The following ABI3BP variants were observed in gnomAD, a reference collection of about 807,000 sequenced individuals.
ABI3BP encodes the protein ABI family member 3 binding protein, also known as target of Nesh-SH3.
In ABI3BP, 216 loss-of-function variants were observed where a neutral mutation model predicts 268.6. The observed-to-expected ratio is 0.80, with a 90% CI of 0.72 to 0.90. ABI3BP has a LOEUF of 0.90. Ranked by LOEUF, ABI3BP falls within the 40% of genes least tolerant of loss-of-function variation. The pLI is 0.00. For synonymous variants in ABI3BP, 730 were observed against 730.0 expected (o/e 1.00, Z 0.00); for missense variants, 2,090 against 2,182.4 (o/e 0.96, Z 0.84).
intron 2 of ABI3BP, 50 bp from the exon 3 acceptor site, chr3:100,902,736 T>C: frequency 6.7e-7 from 1 of 1,503,014 alleles, no homozygotes; most frequent in Non-Finnish European, 9.2e-7. Flanking sequence ...GAACCAGCAT[T>C]GGAGGCAGCA....
rs1225225619 is a variant in ABI3BP at position 100,753,815 on chromosome 3, T to G, written c.4960+4A>C. On this transcript the variant is annotated splice_donor_region_variant and intron_variant, in intron 65 of 67. Transcript: ENST00000471714. ...AGTTGTGCCTCATTGAGACAGGTAC[T>G]TACCAGAAACTGGCTCACTCACTCT... 3.7e-6 allele frequency: 6 copies of G among 1,611,088 alleles called. No individual in the cohort carries two copies. The highest frequency in any genetic ancestry group is 4.2e-6 in the Non-Finnish European group (5 of 1,178,892).
At chr3:100,934,133 AC>A (rs1352202005) in intron 1 of ABI3BP, among the ~76,000 whole-genome samples, 1 of 150,008 alleles carries the variant, frequency 6.7e-6, no homozygotes, top group Non-Finnish European at 1.5e-5. Flanking sequence ...CCCTCCCCTA[AC>A]CCCCCACCCC....
chr3:100,791,964 TG>T (rs1418002860), intron 55 of ABI3BP, among the ~76,000 whole-genome samples: 1 of 151,892 alleles, frequency 6.6e-6, no homozygotes, highest in Non-Finnish European at 1.5e-5. Context: ...AAATGTTTGC[TG>T]GTTTTGGTCT....
In ABI3BP at chr3:100,780,346, C is replaced by T. The variant is rs2150285776; in HGVS notation, c.4163-137G>A. 3 of 694,658 alleles carry T rather than the reference C, an allele frequency of 4.3e-6. No homozygotes were observed. In the South Asian group the frequency reaches 5.4e-5, roughly 12 times the overall value. 43.0% of individuals were successfully genotyped at this position (694,658 alleles called of 1,614,324 possible). ...TTTTTATGCCAAGACATTTTACGGG[C>T]TTCTACTATCTGGCTATAGAAAAAA... On this transcript the variant is annotated intron_variant, in intron 57 of 67. Coordinates refer to ENST00000471714, the MANE Select transcript of ABI3BP (RefSeq NM_001375547.2).
chr3:100,902,660 C>T lies in ABI3BP; in HGVS notation c.286G>A (p.Val96Met). Residue 96 changes from valine to methionine, a missense_variant, in exon 3 of 68, where the codon GTG becomes ATG. Physicochemically the swap from Val to Met is conservative, Grantham distance 21. Transcript: ENST00000471714. ...VDAEPKYLIV[V>M]RPAPPPSQKK... is the part of the protein sequence containing the mutation. ...TGACTTGGAGGTGGAGCAGGTCGCACAACTATCAGATATTTCGGCTCTGCA... is the reference window on the plus strand; with the variant it reads ...TGACTTGGAGGTGGAGCAGGTCGCATAACTATCAGATATTTCGGCTCTGCA... 1.2e-6 allele frequency: 2 copies of T among 1,613,904 alleles called. No individual in the cohort carries two copies. Among genetic ancestry groups the T allele is most frequent in the South Asian group, 2.2e-5 (2 of 91,068 alleles).
At chr3:100,875,022 T>C (rs2099146590) in intron 8 of ABI3BP, 89 bp from the exon 9 acceptor site, 5 of 692,466 alleles carry the variant, frequency 7.2e-6, no homozygotes, top group Admixed American at 3.0e-5. Context: ...TTACAAACTA[T>C]GAAGCATAGC....
chr3:100,791,485 C>T (rs1477157347), intron 55 of ABI3BP, among the ~76,000 whole-genome samples: 1 of 151,852 alleles, frequency 6.6e-6, no homozygotes, highest in Non-Finnish European at 1.5e-5. Flanking sequence ...CAGCTATCTT[C>T]TCTTAAGCCA....
At chr3:100,841,081 A>G (rs1401484802) in intron 21 of ABI3BP, among the ~76,000 whole-genome samples, 1 of 152,122 alleles carries the variant, frequency 6.6e-6, no homozygotes, top group Non-Finnish European at 1.5e-5. Context: ...TTGGAAAGAG[A>G]AATGGAACAA....
intron 9 of ABI3BP, among the ~76,000 whole-genome samples, chr3:100,874,598 T>C (rs1354616269): frequency 1.3e-5 from 2 of 152,158 alleles, no homozygotes; most frequent in East Asian, 1.9e-4. Context: ...AAGATTTTCA[T>C]AAACATTCAC....
chr3:100,852,506 TAGG>T (rs2098861128), intron 14 of ABI3BP, among the ~76,000 whole-genome samples: 2 of 152,160 alleles, frequency 1.3e-5, no homozygotes, highest in South Asian at 4.1e-4. Flanking sequence ...TTGTAGACAA[TAGG>T]AGGTTATCTC....
At chr3:100,904,632 GA>G (rs983782888) in intron 2 of ABI3BP, among the ~76,000 whole-genome samples, 1 of 152,150 alleles carries the variant, frequency 6.6e-6, no homozygotes, top group African/African-American at 2.4e-5. Flanking sequence ...TTTAGATGCA[GA>G]AAAAAGGCAA....
Position 100,926,351 on chromosome 3 carries a change from G to C in ABI3BP, c.210C>G (p.Asn70Lys). Reference sequence around the variant, plus strand: ...CTTCAGCGGGAAGAGGGAAGTACTGGTTTGGTGATACATTGCTGCCATATC... The same window carrying C: ...CTTCAGCGGGAAGAGGGAAGTACTGCTTTGGTGATACATTGCTGCCATATC... Reference protein sequence around the residue: ...LLGYGSNVSPNQYFPLPAEGK... With the variant: ...LLGYGSNVSPKQYFPLPAEGK... The change falls in exon 2 of 68, where the codon AAC becomes AAG. Residue 70 changes from asparagine (N) to lysine (K), a missense_variant. Asn to Lys is a moderately conservative substitution (Grantham distance 94). Coordinates refer to ENST00000471714, the MANE Select transcript of ABI3BP (RefSeq NM_001375547.2). 2 of 1,613,514 alleles carry C rather than the reference G, an allele frequency of 1.2e-6. No homozygotes were observed. The highest frequency in any genetic ancestry group is 2.2e-5 in the South Asian group (2 of 91,060).
rs547988924 is a variant in ABI3BP at position 100,846,559 on chromosome 3, A to G, written c.1649-113T>C. On this transcript the variant is annotated intron_variant, in intron 19 of 67. Transcript: ENST00000471714. The stretch of plus-strand genomic sequence containing the variant: ...ACTATACATTAAATGGAATGAACTC[A>G]TCGTCTTGGAAGATTTTGGAAATAT... 2.1e-5 allele frequency: 14 copies of G among 670,072 alleles called. No individual in the cohort carries two copies. In the South Asian group the frequency reaches 3.6e-4, roughly 17 times the overall value. 41.5% of individuals were successfully genotyped at this position (670,072 alleles called of 1,614,324 possible).
Position 100,780,219 on chromosome 3 carries a change from G to A in ABI3BP, c.4163-10C>T, listed in dbSNP as rs1299776485. On this transcript the variant is annotated splice_polypyrimidine_tract_variant and intron_variant, in intron 57 of 67. Transcript: ENST00000471714. ...GGTGCTTGCTTGACCCCTATGAGCA[G>A]AGATAATGAAAGGGAATAAACATAT... The A allele has an allele frequency of 1.9e-6, 3 of 1,610,608 alleles. No individual in the cohort carries two copies. Among genetic ancestry groups the A allele is most frequent in the South Asian group, 1.1e-5 (1 of 90,450 alleles).
intron 21 of ABI3BP, 77 bp downstream of exon 21, chr3:100,841,921 A>ACCCAAAG: frequency 8.0e-7 from 1 of 1,255,940 alleles, no homozygotes; most frequent in Non-Finnish European, 1.1e-6. Flanking sequence ...AAAAAACAAA[A>ACCCAAAG]CCCAAAGCTG....
intron 1 of ABI3BP, among the ~76,000 whole-genome samples, chr3:100,935,974 T>C (rs1183477624): frequency 6.6e-6 from 1 of 152,184 alleles, no homozygotes; most frequent in Non-Finnish European, 1.5e-5. Context: ...TTTATTTCTT[T>C]CTCTTGCCTG....
At chr3:100,972,266 A>G (rs2083974098) in intron 1 of ABI3BP, among the ~76,000 whole-genome samples, 1 of 152,228 alleles carries the variant, frequency 6.6e-6, no homozygotes, top group Non-Finnish European at 1.5e-5. Flanking sequence ...TTTTTATGTG[A>G]AAAACCCCTC....
intron 40 of ABI3BP, among the ~76,000 whole-genome samples, chr3:100,819,180 C>G (rs2098134736): frequency 6.6e-6 from 1 of 152,134 alleles, no homozygotes; most frequent in African/African-American, 2.4e-5. Context: ...CAAGGACTTT[C>G]TTCAACTGCT....
chr3:100,925,931 A>T (rs997686458), intron 2 of ABI3BP, among the ~76,000 whole-genome samples: 2 of 151,956 alleles, frequency 1.3e-5, no homozygotes, highest in African/African-American at 4.8e-5. Context: ...GTAGCTTTTC[A>T]TGAAAATACA....
Sources: allele counts gnomAD v4.1 joint callset (sites outside exome capture counted in the v4.1 genomes callset), GRCh38; gene constraint gnomAD v4.1.1; transcripts MANE v1.5; gene names NCBI Gene and HGNC (gene_info 2026-07-23, HGNC 2026-07-21).